The following DTWD2 variants were observed in gnomAD, a reference collection of about 807,000 sequenced individuals.
The protein encoded by DTWD2 is tRNA-uridine aminocarboxypropyltransferase 2.
In DTWD2, 39 loss-of-function variants were observed where a neutral mutation model predicts 31.8. That is an observed-to-expected ratio of 1.22 (90% confidence interval 0.95 to 1.60). The LOEUF is 1.60. Ranked by LOEUF, DTWD2 falls within the 40% of genes most tolerant of loss-of-function variation. The pLI is 0.00. For missense variants in DTWD2, 515 were observed against 381.5 expected (o/e 1.35, Z -2.92); for synonymous variants, 180 against 142.8 (o/e 1.26, Z -1.86).
chr5:118,978,432 A>AACAGACAACCT lies in DTWD2; in HGVS notation c.218+9851_218+9861dup, dbSNP rs1755215612. Reference sequence around the variant, plus strand: ...ACCAAAAGAAACTATCATCAGAGTGAACAGACAACCTACAGAATGGGAGAA... The same window carrying AACAGACAACCT: ...ACCAAAAGAAACTATCATCAGAGTGAACAGACAACCTACAGACAACCTACAGAATGGGAGAA... On this transcript the variant is annotated intron_variant, in intron 1 of 5. Coordinates refer to ENST00000510708, the MANE Select transcript of DTWD2 (RefSeq NM_173666.4). 2.0e-5 allele frequency among the ~76,000 whole-genome samples: 3 copies of AACAGACAACCT among 152,368 alleles called. No homozygotes were observed. The South Asian group carries it at 6.2e-4, about 32-fold the overall frequency.
intron 1 of DTWD2, among the ~76,000 whole-genome samples, chr5:118,952,464 G>A (rs1000342849): frequency 2.0e-5 from 3 of 152,126 alleles, no homozygotes; most frequent in East Asian, 1.9e-4. Flanking sequence ...GTTGTTCTCC[G>A]GCAAGCAGGG....
At chr5:118,853,007 G>A (rs1752046452) in intron 4 of DTWD2, among the ~76,000 whole-genome samples, 1 of 152,122 alleles carries the variant, frequency 6.6e-6, no homozygotes, top group South Asian at 2.1e-4. Flanking sequence ...TGAAAGTTAA[G>A]TACTGGGTAC....
chr5:118,871,833 G>A (rs1031009113), intron 4 of DTWD2, among the ~76,000 whole-genome samples: 3 of 152,024 alleles, frequency 2.0e-5, no homozygotes, highest in Admixed American at 6.5e-5. Flanking sequence ...CAAGCAAGTC[G>A]GCCTATATTT....
chr5:118,886,015 T>C (rs1752857157), intron 4 of DTWD2, among the ~76,000 whole-genome samples: 1 of 152,102 alleles, frequency 6.6e-6, no homozygotes, highest in Non-Finnish European at 1.5e-5. Context: ...AATCACCACC[T>C]GTGAAAAGAA....
intron 3 of DTWD2, among the ~76,000 whole-genome samples, chr5:118,937,491 C>T (rs906909493): frequency 1.9e-4 from 29 of 152,238 alleles, no homozygotes; most frequent in African/African-American, 6.7e-4. Context: ...TCCAGCCAAC[C>T]CTATCACCTT....
At chr5:118,959,994 A>C (rs1037663225) in intron 1 of DTWD2, among the ~76,000 whole-genome samples, 1 of 152,156 alleles carries the variant, frequency 6.6e-6, no homozygotes, top group Non-Finnish European at 1.5e-5. Context: ...AAAAATCCTG[A>C]AAGATAAACT....
intron 4 of DTWD2, among the ~76,000 whole-genome samples, chr5:118,865,098 C>A (rs1752354382): frequency 6.6e-6 from 1 of 152,092 alleles, no homozygotes; most frequent in African/African-American, 2.4e-5. Flanking sequence ...TACTTCATAA[C>A]CTTACGTATG....
intron 4 of DTWD2, among the ~76,000 whole-genome samples, chr5:118,901,366 A>C (rs1433925963): frequency 1.3e-5 from 2 of 152,200 alleles, no homozygotes; most frequent in African/African-American, 2.4e-5. Flanking sequence ...GCAGCACTGA[A>C]ACAATCAAAT....
chr5:118,949,434 C>A (rs1263241416), intron 1 of DTWD2, among the ~76,000 whole-genome samples: 1 of 151,992 alleles, frequency 6.6e-6, no homozygotes, highest in Non-Finnish European at 1.5e-5. Flanking sequence ...CAAGAGTGTA[C>A]GGGTTGGGCA....
chr5:118,869,110 G>A (rs1025764953), intron 4 of DTWD2, among the ~76,000 whole-genome samples: 7 of 151,910 alleles, frequency 4.6e-5, no homozygotes, highest in African/African-American at 7.3e-5. Flanking sequence ...AAAGAGTTGC[G>A]AAAATGGATG....
chr5:118,916,105 G>A (rs1371765210), intron 4 of DTWD2, among the ~76,000 whole-genome samples: 1 of 152,154 alleles, frequency 6.6e-6, no homozygotes, highest in Non-Finnish European at 1.5e-5. Context: ...TTGAAGATCT[G>A]GGCCAACTGG....
intron 1 of DTWD2, among the ~76,000 whole-genome samples, chr5:118,973,316 T>C (rs544229470): frequency 6.6e-6 from 1 of 152,350 alleles, no homozygotes; most frequent in African/African-American, 2.4e-5. Context: ...GCTGGTTATT[T>C]TGCCCCTTAG....
intron 4 of DTWD2, among the ~76,000 whole-genome samples, chr5:118,905,250 A>C (rs1466861529): frequency 6.6e-6 from 1 of 152,166 alleles, no homozygotes; most frequent in African/African-American, 2.4e-5. Context: ...CAAGGAACTA[A>C]TAACTAATGG....
intron 4 of DTWD2, among the ~76,000 whole-genome samples, chr5:118,924,009 G>C (rs1468878371): frequency 6.6e-6 from 1 of 152,188 alleles, no homozygotes; most frequent in Admixed American, 6.5e-5. Flanking sequence ...AGCCCAGTGT[G>C]GCTTCACACT....
rs112788050 is a variant in DTWD2 at position 118,973,712 on chromosome 5, G to A, written c.218+14582C>T. On this transcript the variant is annotated intron_variant, in intron 1 of 5. Coordinates refer to ENST00000510708, the MANE Select transcript of DTWD2 (RefSeq NM_173666.4). ...CGCCACGCGCCTCCTCCGCCGCCGC[G>A]GACTCCGGCAGCTTTATCGCCAGAG... The A allele has an allele frequency of 6.3e-4, 966 of 1,540,798 alleles. 6 individuals carry two copies. The African/African-American group carries it at 0.012, about 19-fold the overall frequency.
rs1751651039 is a variant in DTWD2, at chr5:118,839,228, TTAC to T, written c.*1686_*1688del. 1 of 152,022 alleles carries T rather than the reference TTAC, an allele frequency of 6.6e-6. No homozygotes were observed. Among genetic ancestry groups the T allele is most frequent in the Non-Finnish European group, 1.5e-5 (1 of 68,008 alleles). The allele number at this position is 152,022 out of a possible 1,614,324, so 9.4% of individuals were successfully genotyped here. ...TGAAGTTTAATATCAATGTGAAAAA[TTAC>T]TACAAAATGATTTTAGCCCCACTTG... On this transcript the variant is annotated 3_prime_UTR_variant, in exon 6 of 6. Coordinates refer to ENST00000510708, the MANE Select transcript of DTWD2 (RefSeq NM_173666.4).
In DTWD2 at chr5:118,899,398, A is replaced by G. The variant is rs150942263; in HGVS notation, c.597+29139T>C. On this transcript the variant is annotated intron_variant, in intron 4 of 5. Transcript: ENST00000510708. ...CTGCTTGGTTAACTAAAATGCAATCAAAGGCTAGTAGGAACCTAATCCTGT... is the reference window on the plus strand; with the variant it reads ...CTGCTTGGTTAACTAAAATGCAATCGAAGGCTAGTAGGAACCTAATCCTGT... Among the ~76,000 whole-genome samples, 238 of 152,326 alleles carry G rather than the reference A, an allele frequency of 1.6e-3. 2 individuals carry two copies. Among genetic ancestry groups the G allele is most frequent in the African/African-American group, 5.5e-3 (228 of 41,580 alleles).
At chr5:118,966,653 T>C (rs1368670440) in intron 1 of DTWD2, among the ~76,000 whole-genome samples, 3 of 152,192 alleles carry the variant, frequency 2.0e-5, no homozygotes, top group Admixed American at 6.5e-5. Context: ...CCTAAGTTAA[T>C]TAAACTGATA....
At chr5:118,870,914 C>G (rs1024653780) in intron 4 of DTWD2, among the ~76,000 whole-genome samples, 1 of 149,716 alleles carries the variant, frequency 6.7e-6, no homozygotes, top group Non-Finnish European at 1.5e-5. Context: ...ATATAATATT[C>G]TAAATCTTAT....
Sources: gnomAD v4.1 joint callset for allele counts (sites outside exome capture counted in the v4.1 genomes callset) on GRCh38, gnomAD v4.1.1 for gene constraint, MANE v1.5 for transcripts, NCBI Gene and HGNC (gene_info 2026-07-23, HGNC 2026-07-21) for gene names.